SMYD3: variants seen among roughly 807,000 people sequenced by gnomAD.
The protein encoded by SMYD3 is histone-lysine N-methyltransferase SMYD3.
In SMYD3, 36 loss-of-function variants were observed where a neutral mutation model predicts 57.7. That is an observed-to-expected ratio of 0.62 (90% confidence interval 0.48 to 0.82). The LOEUF (loss-of-function observed/expected upper bound fraction) is 0.82. SMYD3 is among the 40% of genes least tolerant of loss of function. The pLI is 0.00. For missense variants in SMYD3, 515 were observed against 538.8 expected (o/e 0.96, Z 0.44); for synonymous variants, 211 against 195.0 (o/e 1.08, Z -0.68).
At chr1:246,035,737 A>G (rs1392661449) in intron 5 of SMYD3, 1 of 152,194 alleles carries the variant, frequency 6.6e-6, no homozygotes. Context: ...GCGCTCATCC[A>G]TATTCAACTC....
chr1:246,066,552 G>C (rs1449630261), intron 5 of SMYD3, among the ~76,000 whole-genome samples: 1 of 152,162 alleles, frequency 6.6e-6, no homozygotes, highest in African/African-American at 2.4e-5. Flanking sequence ...AATGACCTGT[G>C]ACCTAGAGGC....
intron 5 of SMYD3, among the ~76,000 whole-genome samples, chr1:246,195,307 G>A (rs900966835): frequency 5.9e-5 from 9 of 152,128 alleles, no homozygotes; most frequent in African/African-American, 1.9e-4. Context: ...TAGGTATAAT[G>A]TCATTATCAA....
chr1:245,953,303 C>T, intron 5 of SMYD3: 2 of 997,688 alleles, frequency 2.0e-6, no homozygotes, highest in African/African-American at 1.7e-5. Context: ...TATATCAACT[C>T]CAACTAGACC....
intron 5 of SMYD3, among the ~76,000 whole-genome samples, chr1:246,109,403 T>G: frequency 6.6e-6 from 1 of 152,234 alleles, no homozygotes; most frequent in East Asian, 1.9e-4. Context: ...GCAATTCATT[T>G]GAGGTTCAAA....
intron 1 of SMYD3, among the ~76,000 whole-genome samples, chr1:246,479,383 G>A (rs1355227812): frequency 2.0e-5 from 3 of 152,170 alleles, no homozygotes; most frequent in Non-Finnish European, 4.4e-5. Flanking sequence ...CTTAATTTAC[G>A]AGGTTGTTCA....
intron 4 of SMYD3, among the ~76,000 whole-genome samples, chr1:246,328,665 T>C (rs1436289985): frequency 1.3e-5 from 2 of 151,632 alleles, no homozygotes; most frequent in African/African-American, 4.8e-5. Context: ...ATGGTAAATA[T>C]ATGTTTTTTT....
At position 246,097,037 on chromosome 1, in the gene SMYD3, T is replaced by C. The variant is rs533343494; in HGVS notation, c.532-167100A>G. On this transcript the variant is annotated intron_variant, in intron 5 of 11. Coordinates refer to ENST00000490107, the MANE Select transcript of SMYD3 (RefSeq NM_001167740.2). ...AGACATGCAATTTACAGTTTCTGCA[T>C]AGGGTCATTAAAAATTCTTTCATTA... Among the ~76,000 whole-genome samples the C allele has an allele frequency of 3.9e-5, 6 of 152,232 alleles. No homozygotes were observed. The South Asian group carries it at 1.0e-3, about 26-fold the overall frequency.
intron 1 of SMYD3, among the ~76,000 whole-genome samples, chr1:246,412,183 A>T (rs1272470906): frequency 6.6e-6 from 1 of 152,194 alleles, no homozygotes; most frequent in Non-Finnish European, 1.5e-5. Context: ...TTAAGTAAGG[A>T]AACTCACAAT....
chr1:246,123,572 ACACACACAC>A (rs1315412391), intron 5 of SMYD3, among the ~76,000 whole-genome samples: 1 of 23,230 alleles, frequency 4.3e-5, no homozygotes, highest in Non-Finnish European at 7.6e-5. Context: ...CCATCTCAAA[ACACACACAC>A]ACACACACAC....
chr1:246,155,240 G>T (rs1427229218), intron 5 of SMYD3, among the ~76,000 whole-genome samples: 1 of 152,060 alleles, frequency 6.6e-6, no homozygotes, highest in East Asian at 1.9e-4. Context: ...AATAATTCCA[G>T]CAATTATACT....
At chr1:245,811,097 CTG>C (rs1348593519) in intron 10 of SMYD3, among the ~76,000 whole-genome samples, 1 of 152,204 alleles carries the variant, frequency 6.6e-6, no homozygotes, top group Non-Finnish European at 1.5e-5. Context: ...AGTGTGAAGG[CTG>C]TGTTTCAGCT....
rs183712664 is a variant in SMYD3, at chr1:245,885,177, C to T, written c.814-21291G>A. Among the ~76,000 whole-genome samples, 172 of 152,292 alleles carry T rather than the reference C, an allele frequency of 1.1e-3. 1 individual carries two copies. The highest frequency in any genetic ancestry group is 3.8e-3 in the African/African-American group (156 of 41,562). On this transcript the variant is annotated intron_variant, in intron 8 of 11. Coordinates refer to ENST00000490107, the MANE Select transcript of SMYD3 (RefSeq NM_001167740.2). ...CCTGAAGTCAGCAAGACCATGAACC[C>T]ACCGGAAGGAAGAAACTCTGGACAC... is the stretch of plus-strand genomic sequence containing the variant.
intron 10 of SMYD3, among the ~76,000 whole-genome samples, chr1:245,792,517 C>T (rs1025475425): frequency 6.6e-6 from 1 of 152,114 alleles, no homozygotes; most frequent in Non-Finnish European, 1.5e-5. Context: ...ATTCTGATCA[C>T]TTTGAGAAAA....
chr1:245,867,890 G>T (rs2051968248), intron 8 of SMYD3, among the ~76,000 whole-genome samples: 1 of 152,230 alleles, frequency 6.6e-6, no homozygotes. Flanking sequence ...AAGCGTGCCT[G>T]AATGTTCCAG....
chr1:246,355,943 G>A lies in SMYD3; in HGVS notation c.165-849C>T, dbSNP rs763628450. On this transcript the variant is annotated intron_variant, in intron 1 of 11. Transcript: ENST00000490107. This position sits in a 1 kb window ranked among gnomAD's most constrained non-coding sequence, Gnocchi z 5.0. ...CCTAAGAAACCTGAATAGGTAACCA[G>A]GCGACCTTAGGGCAAGTTTGCTTCC... is the stretch of plus-strand genomic sequence containing the variant. Among the ~76,000 whole-genome samples the A allele has an allele frequency of 2.0e-5, 3 of 152,172 alleles. No individual in the cohort carries two copies. Among genetic ancestry groups the A allele is most frequent in the Non-Finnish European group, 2.9e-5 (2 of 68,018 alleles).
intron 10 of SMYD3, among the ~76,000 whole-genome samples, chr1:245,791,925 A>C (rs571933101): frequency 6.7e-6 from 1 of 149,848 alleles, no homozygotes; most frequent in East Asian, 2.0e-4. Flanking sequence ...ATCTGATTAG[A>C]CTGTTTTAAA....
At chr1:246,434,896 C>A (rs2067348024) in intron 1 of SMYD3, among the ~76,000 whole-genome samples, 2 of 152,120 alleles carry the variant, frequency 1.3e-5, no homozygotes, top group Non-Finnish European at 2.9e-5. Flanking sequence ...CGGAACTAAC[C>A]TAGGTGTACA....
chr1:246,415,911 C>T (rs1039728629), intron 1 of SMYD3, among the ~76,000 whole-genome samples: 7 of 152,094 alleles, frequency 4.6e-5, no homozygotes, highest in Admixed American at 2.6e-4. Flanking sequence ...GTTAACTTTC[C>T]GTATGTTATG....
At chr1:246,062,872 A>G (rs1427316794) in intron 5 of SMYD3, among the ~76,000 whole-genome samples, 2 of 152,226 alleles carry the variant, frequency 1.3e-5, no homozygotes, top group African/African-American at 4.8e-5. Flanking sequence ...TGAAATAGAA[A>G]ACATATAATA....
Sources: allele counts gnomAD v4.1 joint callset (sites outside exome capture counted in the v4.1 genomes callset), GRCh38; gene constraint gnomAD v4.1.1; non-coding constraint Gnocchi (gnomAD v3.1); transcripts MANE v1.5; gene names NCBI Gene and HGNC (gene_info 2026-07-23, HGNC 2026-07-21).